Variants in OSBPL3 observed in about 807,000 individuals in gnomAD.
OSBPL3 encodes oxysterol-binding protein-related protein 3.
A neutral mutation model predicts 120.1 loss-of-function variants in OSBPL3; 65 were observed. That is an observed-to-expected ratio of 0.54 (90% CI 0.44 to 0.67). The LOEUF (loss-of-function observed/expected upper bound fraction) is 0.67. Ranked by LOEUF, OSBPL3 falls within the 30% of genes least tolerant of loss-of-function variation. The pLI is 0.00. For missense variants in OSBPL3, 1,004 were observed against 1,082.1 expected, an observed-to-expected ratio of 0.93 and a Z score of 1.01; for synonymous variants, 416 against 402.6, an observed-to-expected ratio of 1.03 and a Z score of -0.40.
At position 24,820,303 on chromosome 7, in the gene OSBPL3, C is replaced by G; in HGVS notation, c.1885-65G>C. 8.4e-7 allele frequency: 1 copy of G among 1,193,634 alleles called. No individual in the cohort carries two copies. Among genetic ancestry groups the G allele is most frequent in the South Asian group, 1.3e-5 (1 of 78,958 alleles). The allele number at this position is 1,193,634 out of a possible 1,614,324, so 73.9% of individuals were successfully genotyped here. A position where few individuals can be genotyped will look rare whatever the true frequency, so the allele number is the denominator to read the frequency against. On this transcript the variant is annotated intron_variant, in intron 16 of 22. Transcript: ENST00000313367. The surrounding 1 kb of genome is among the most constrained non-coding windows in gnomAD (Gnocchi z 4.6). ...ACTTTTGTGTCTCATGAAATCCATTCTTTCTCCCCTGCACTGAGATGTAAC... is the reference window on the plus strand; with the variant it reads ...ACTTTTGTGTCTCATGAAATCCATTGTTTCTCCCCTGCACTGAGATGTAAC...
chr7:24,849,075 C>G lies in OSBPL3; in HGVS notation c.1260G>C (p.Leu420=). The G allele has an allele frequency of 1.2e-6, 2 of 1,612,618 alleles. No individual in the cohort carries two copies. Among genetic ancestry groups the G allele is most frequent in the Non-Finnish European group, 1.7e-6 (2 of 1,178,816 alleles). ...AGACGAGAAACCTACCCACCTCTGC[C>G]AGATTGTCACCCGACTTGGCGACAG... ...SPAVAKSGDN[L]AEENSRDENR... Residue 420 remains leucine, a synonymous_variant, in exon 12 of 23, where the codon CTG becomes CTC. Transcript: ENST00000313367. This position sits in a 1 kb window ranked among gnomAD's most constrained non-coding sequence, Gnocchi z 5.4.
At chr7:24,963,115 A>C (rs965792837) in intron 1 of OSBPL3, among the ~76,000 whole-genome samples, 20 of 152,264 alleles carry the variant, frequency 1.3e-4, no homozygotes, top group Admixed American at 6.5e-4. Flanking sequence ...ACCCGATCCT[A>C]ATACCAGGTT....
intron 12 of OSBPL3, among the ~76,000 whole-genome samples, chr7:24,845,648 C>G (rs1167033001): frequency 7.0e-6 from 1 of 142,812 alleles, no homozygotes; most frequent in South Asian, 2.3e-4. Context: ...ACACACATCA[C>G]TTTTTCCTAA....
chr7:24,910,054 C>T (rs1350036831), intron 1 of OSBPL3, among the ~76,000 whole-genome samples: 2 of 152,052 alleles, frequency 1.3e-5, no homozygotes, highest in Non-Finnish European at 2.9e-5. Context: ...GATCCACCTG[C>T]CTCGGCCTCC....
intron 1 of OSBPL3, chr7:24,906,023 C>CAA: frequency 1.3e-5 from 2 of 150,766 alleles, no homozygotes; most frequent in East Asian, 1.9e-4. Context: ...GACTCCATCT[C>CAA]AAAAAAAAAG....
chr7:24,976,855 A>G (rs1817643367), intron 1 of OSBPL3, among the ~76,000 whole-genome samples: 1 of 152,246 alleles, frequency 6.6e-6, no homozygotes, highest in African/African-American at 2.4e-5. Flanking sequence ...ATGTTACACC[A>G]GCACCCAAAC....
rs1794349668 is a variant in OSBPL3, at chr7:24,815,396, C to A, written c.2028-193G>T. Among the ~76,000 whole-genome samples, 1 of 152,196 alleles carries A rather than the reference C, an allele frequency of 6.6e-6. No individual in the cohort carries two copies. The highest frequency in any genetic ancestry group is 2.4e-5 in the African/African-American group (1 of 41,448). On this transcript the variant is annotated intron_variant, in intron 18 of 22. Coordinates refer to ENST00000313367, the MANE Select transcript of OSBPL3 (RefSeq NM_015550.4). The surrounding 1 kb of genome is among the most constrained non-coding windows in gnomAD (Gnocchi z 5.1). ...TCCACTCTCCAAGGAGGCATGCATG[C>A]CACAGAGAATGACAGCATTCAGACT...
chr7:24,852,421 C>T lies in OSBPL3; in HGVS notation c.1158+83G>A, dbSNP rs1346085601. ...ATTTGGTTTTCTCCTGAATTTTCAA[C>T]ATAATCATGGAAATAGAAATTACAA... On this transcript the variant is annotated intron_variant, in intron 11 of 22. Transcript: ENST00000313367. This position sits in a 1 kb window ranked among gnomAD's most constrained non-coding sequence, Gnocchi z 4.1. The T allele has an allele frequency of 6.5e-6, 8 of 1,232,124 alleles. No individual in the cohort carries two copies. The highest frequency in any genetic ancestry group is 1.5e-5 in the African/African-American group (1 of 65,006). 76.3% of individuals were successfully genotyped at this position (1,232,124 alleles called of 1,614,324 possible). A position where few individuals can be genotyped will look rare whatever the true frequency, so the allele number is the denominator to read the frequency against.
In OSBPL3 at chr7:24,819,807, C is replaced by T. The variant is rs145278701; in HGVS notation, c.1948+368G>A. Reference sequence around the variant, plus strand: ...TGAACAAAATTTTAGGAACAATCATCTCAAAAATGAAAAGAAGTAAGCAAT... The same window carrying T: ...TGAACAAAATTTTAGGAACAATCATTTCAAAAATGAAAAGAAGTAAGCAAT... On this transcript the variant is annotated intron_variant, in intron 17 of 22. Transcript: ENST00000313367. The surrounding 1 kb of genome is among the most constrained non-coding windows in gnomAD (Gnocchi z 4.1). Among the ~76,000 whole-genome samples the T allele has an allele frequency of 5.1e-4, 77 of 152,144 alleles. No homozygotes were observed. Among genetic ancestry groups the T allele is most frequent in the African/African-American group, 1.8e-3 (76 of 41,514 alleles).
At position 24,873,732 on chromosome 7, in the gene OSBPL3, T is replaced by C. The variant is rs543846156; in HGVS notation, c.97-1663A>G. ...ATGGGAAGTCAGATTTCCTATTACT[T>C]AAAAACACCAAAAAAAAAAACTTAC... is the stretch of plus-strand genomic sequence containing the variant. On this transcript the variant is annotated intron_variant, in intron 2 of 22. Coordinates refer to ENST00000313367, the MANE Select transcript of OSBPL3 (RefSeq NM_015550.4). This position sits in a 1 kb window ranked among gnomAD's most constrained non-coding sequence, Gnocchi z 4.1. 2.9e-4 allele frequency among the ~76,000 whole-genome samples: 29 copies of C among 100,782 alleles called. No homozygotes were observed. The Admixed American group carries it at 3.0e-3, about 10-fold the overall frequency. 66.1% of individuals were successfully genotyped at this position (100,782 alleles called of 152,430 possible). A position where few individuals can be genotyped will look rare whatever the true frequency, so the allele number is the denominator to read the frequency against.
rs1406958534 is a variant in OSBPL3, at chr7:24,918,901, A to T, written c.-149-26280T>A. 6.6e-6 allele frequency among the ~76,000 whole-genome samples: 1 copy of T among 152,202 alleles called. No individual in the cohort carries two copies. Among genetic ancestry groups the T allele is most frequent in the East Asian group, 1.9e-4 (1 of 5,204 alleles). Reference sequence around the variant, plus strand: ...GGGGATAGAAAAGGCAACAGACATAAATTTTGTAACTAACATTTCCCAGGT... The same window carrying T: ...GGGGATAGAAAAGGCAACAGACATATATTTTGTAACTAACATTTCCCAGGT... On this transcript the variant is annotated intron_variant, in intron 1 of 22. Coordinates refer to ENST00000313367, the MANE Select transcript of OSBPL3 (RefSeq NM_015550.4). The surrounding 1 kb of genome is among the most constrained non-coding windows in gnomAD (Gnocchi z 4.3).
At chr7:24,977,723 A>G (rs1222122184) in intron 1 of OSBPL3, among the ~76,000 whole-genome samples, 3 of 152,104 alleles carry the variant, frequency 2.0e-5, no homozygotes, top group Admixed American at 1.3e-4. Flanking sequence ...GGTCGTGGTG[A>G]CGGGCGCCTG....
intron 1 of OSBPL3, among the ~76,000 whole-genome samples, chr7:24,901,050 C>T (rs1806925296): frequency 1.3e-5 from 2 of 148,456 alleles, no homozygotes; most frequent in South Asian, 2.1e-4. Context: ...AGAGAGATGG[C>T]CAGGTGTGGT....
rs1484141756 is a variant in OSBPL3, at chr7:24,833,355, C to A, written c.1746+1131G>T. Reference sequence around the variant, plus strand: ...TGCACTCCAGCCTGGGTGACAAAGACCCTGACTCAAAAAAAGAGAAAGTCT... The same window carrying A: ...TGCACTCCAGCCTGGGTGACAAAGAACCTGACTCAAAAAAAGAGAAAGTCT... On this transcript the variant is annotated intron_variant, in intron 15 of 22. Coordinates refer to ENST00000313367, the MANE Select transcript of OSBPL3 (RefSeq NM_015550.4). This position sits in a 1 kb window ranked among gnomAD's most constrained non-coding sequence, Gnocchi z 4.4. Among the ~76,000 whole-genome samples the A allele has an allele frequency of 6.6e-6, 1 of 152,084 alleles. No homozygotes were observed. Among genetic ancestry groups the A allele is most frequent in the East Asian group, 1.9e-4 (1 of 5,184 alleles).
At chr7:24,917,617 C>G (rs1398770867) in intron 1 of OSBPL3, among the ~76,000 whole-genome samples, 2 of 151,638 alleles carry the variant, frequency 1.3e-5, no homozygotes, top group Non-Finnish European at 2.9e-5. Flanking sequence ...TTCTTAGAAA[C>G]AGCAACTCAA....
rs1466165502 is a variant in OSBPL3 at position 24,821,990 on chromosome 7, C to G, written c.1885-1752G>C. Among the ~76,000 whole-genome samples the G allele has an allele frequency of 2.0e-5, 3 of 152,216 alleles. No homozygotes were observed. The highest frequency in any genetic ancestry group is 4.4e-5 in the Non-Finnish European group (3 of 68,036). On this transcript the variant is annotated intron_variant, in intron 16 of 22. Transcript: ENST00000313367. The surrounding 1 kb of genome is among the most constrained non-coding windows in gnomAD (Gnocchi z 5.5). ...CAGGGCTCAAGTGATCCTCCTGTCTCAGCCTCTCAAGTTGCTGGGACTAAA... is the reference window on the plus strand; with the variant it reads ...CAGGGCTCAAGTGATCCTCCTGTCTGAGCCTCTCAAGTTGCTGGGACTAAA...
intron 5 of OSBPL3, among the ~76,000 whole-genome samples, chr7:24,868,361 G>C (rs1353021357): frequency 2.7e-5 from 4 of 149,978 alleles, no homozygotes; most frequent in Non-Finnish European, 5.9e-5. Flanking sequence ...GTGTGTGTGT[G>C]TGTGTGTGTC....
intron 2 of OSBPL3, 32 bp downstream of exon 2, chr7:24,892,345 G>C: frequency 6.2e-7 from 1 of 1,602,900 alleles, no homozygotes; most frequent in Non-Finnish European, 8.5e-7. Context: ...GCTTACATTT[G>C]CATATTAAAA....
chr7:24,925,730 G>C (rs1487392252), intron 1 of OSBPL3, among the ~76,000 whole-genome samples: 2 of 152,198 alleles, frequency 1.3e-5, no homozygotes, highest in Non-Finnish European at 1.5e-5. Context: ...GTATACAAGA[G>C]AAAACCAGGA....
Sources: gnomAD v4.1 joint callset for allele counts (sites outside exome capture counted in the v4.1 genomes callset) on GRCh38, gnomAD v4.1.1 for gene constraint, Gnocchi (gnomAD v3.1) non-coding constraint, MANE v1.5 for transcripts, NCBI Gene and HGNC (gene_info 2026-07-23, HGNC 2026-07-21) for gene names.